The following PDE3A variants were observed in gnomAD, a reference collection of about 807,000 sequenced individuals.
The protein encoded by PDE3A is cGMP-inhibited 3',5'-cyclic phosphodiesterase 3A.
A neutral mutation model predicts 98.3 loss-of-function variants in PDE3A; 43 were observed. The ratio of observed to expected loss-of-function variants is 0.44; its 90% confidence interval spans 0.34 to 0.56. The LOEUF (loss-of-function observed/expected upper bound fraction) is 0.56, where lower values mean the gene tolerates loss of function less well. Ranked by LOEUF, PDE3A falls within the 20% of genes least tolerant of loss-of-function variation. The pLI is 0.01. For synonymous variants in PDE3A, 663 were observed against 567.9 expected (o/e 1.17, Z -2.38); for missense variants, 1,427 against 1,440.7 (o/e 0.99, Z 0.15).
chr12:20,406,100 T>C (rs1944228380), intron 1 of PDE3A, among the ~76,000 whole-genome samples: 1 of 152,216 alleles, frequency 6.6e-6, no homozygotes, highest in Non-Finnish European at 1.5e-5. Flanking sequence ...CACATACATA[T>C]ACACACATCA....
chr12:20,571,239 G>A (rs1942795504), intron 2 of PDE3A, among the ~76,000 whole-genome samples: 1 of 152,144 alleles, frequency 6.6e-6, no homozygotes, highest in African/African-American at 2.4e-5. Flanking sequence ...GAAAGATAAT[G>A]AGAATAATGT....
At chr12:20,463,026 C>T (rs1042134525) in intron 1 of PDE3A, among the ~76,000 whole-genome samples, 16 of 152,130 alleles carry the variant, frequency 1.1e-4, no homozygotes, top group African/African-American at 3.9e-4. Flanking sequence ...CTTGTCTTGG[C>T]CCCCGCAAAG....
At chr12:20,523,626 C>A (rs1054525744) in intron 1 of PDE3A, among the ~76,000 whole-genome samples, 2 of 152,132 alleles carry the variant, frequency 1.3e-5, no homozygotes, top group African/African-American at 4.8e-5. Context: ...TTTTTAGTGT[C>A]CTAGACCTTG....
chr12:20,656,230 A>G (rs1945040409), intron 15 of PDE3A, among the ~76,000 whole-genome samples: 1 of 152,170 alleles, frequency 6.6e-6, no homozygotes, highest in Admixed American at 6.5e-5. Flanking sequence ...TTTCGTGCCT[A>G]TTTTTATCAC....
In PDE3A at chr12:20,552,897, G is replaced by A; in HGVS notation, c.961-3763G>A. Reference sequence around the variant, plus strand: ...TGGACAGATCCTTTCGGGCACAGGTGTTCAGCTGCCCTGCCTGCCGCTACG... The same window carrying A: ...TGGACAGATCCTTTCGGGCACAGGTATTCAGCTGCCCTGCCTGCCGCTACG... On this transcript the variant is annotated intron_variant, in intron 1 of 15. Coordinates refer to ENST00000359062, the MANE Select transcript of PDE3A (RefSeq NM_000921.5). The surrounding 1 kb of genome is among the most constrained non-coding windows in gnomAD (Gnocchi z 5.1). 1.9e-6 allele frequency: 3 copies of A among 1,609,366 alleles called. No individual in the cohort carries two copies. The highest frequency in any genetic ancestry group is 1.7e-6 in the Non-Finnish European group (2 of 1,177,872).
chr12:20,668,412 A>G (rs1945378685), intron 15 of PDE3A, among the ~76,000 whole-genome samples: 1 of 151,974 alleles, frequency 6.6e-6, no homozygotes, highest in African/African-American at 2.4e-5. Context: ...AGACAAACAA[A>G]AAGACAGCAG....
intron 1 of PDE3A, among the ~76,000 whole-genome samples, chr12:20,511,512 A>G (rs145712699): frequency 1.3e-5 from 2 of 152,142 alleles, no homozygotes; most frequent in East Asian, 3.9e-4. Flanking sequence ...CCCAATGGCT[A>G]AACAACCTAA....
At chr12:20,383,064 T>G (rs146073271) in intron 1 of PDE3A, among the ~76,000 whole-genome samples, 1 of 151,898 alleles carries the variant, frequency 6.6e-6, no homozygotes, top group Non-Finnish European at 1.5e-5. Context: ...GATAGGGACT[T>G]CAGATGCTTC....
chr12:20,551,992 G>C, intron 1 of PDE3A: 1 of 1,612,610 alleles, frequency 6.2e-7, no homozygotes, highest in Non-Finnish European at 8.5e-7. Context: ...CCGGAGCAAC[G>C]ACGGAGCGTA....
chr12:20,602,675 T>C (rs1261334819), intron 2 of PDE3A, among the ~76,000 whole-genome samples: 1 of 152,160 alleles, frequency 6.6e-6, no homozygotes, highest in East Asian at 1.9e-4. Flanking sequence ...CTATAGGTTT[T>C]CCTCCTACTG....
chr12:20,515,699 A>ATTATTTATTTATTTATTTAT (rs58454608), intron 1 of PDE3A, among the ~76,000 whole-genome samples: 24 of 141,082 alleles, frequency 1.7e-4, no homozygotes, highest in Admixed American at 7.1e-4. Context: ...CTCACACTGT[A>ATTATTTATTTATTTATTTAT]TTATTTATTT....
chr12:20,390,574 G>A (rs758313013), intron 1 of PDE3A, among the ~76,000 whole-genome samples: 6 of 116,216 alleles, frequency 5.2e-5, no homozygotes, highest in Non-Finnish European at 1.1e-4. Flanking sequence ...GAAAGATAGT[G>A]GCGCTGGTCA....
intron 2 of PDE3A, among the ~76,000 whole-genome samples, chr12:20,599,461 C>T (rs1046023702): frequency 6.6e-6 from 1 of 152,200 alleles, no homozygotes; most frequent in Non-Finnish European, 1.5e-5. Flanking sequence ...CTTCTAACCT[C>T]AACATTGCCC....
chr12:20,450,088 C>A, intron 1 of PDE3A: 2 of 545,756 alleles, frequency 3.7e-6, no homozygotes, highest in Non-Finnish European at 6.8e-6. Context: ...TCTGCTGGTG[C>A]CGTCTTGGAT....
intron 1 of PDE3A, among the ~76,000 whole-genome samples, chr12:20,529,663 C>T (rs539597379): frequency 6.6e-6 from 1 of 152,124 alleles, no homozygotes; most frequent in East Asian, 1.9e-4. Context: ...AAACAGAAGC[C>T]AGGGAGAGGC....
At chr12:20,447,775 A>T (rs2120871507) in intron 1 of PDE3A, among the ~76,000 whole-genome samples, 1 of 152,294 alleles carries the variant, frequency 6.6e-6, no homozygotes, top group East Asian at 1.9e-4. Flanking sequence ...AAACACAAAG[A>T]GGTGGGTTAT....
At chr12:20,466,210 T>G (rs1945338062) in intron 1 of PDE3A, among the ~76,000 whole-genome samples, 1 of 152,222 alleles carries the variant, frequency 6.6e-6, no homozygotes, top group Non-Finnish European at 1.5e-5. Context: ...GCCAGACTCT[T>G]GGAAGACAAG....
At chr12:20,445,991 G>GTGCA (rs1944946789) in intron 1 of PDE3A, among the ~76,000 whole-genome samples, 1 of 152,032 alleles carries the variant, frequency 6.6e-6, no homozygotes, top group African/African-American at 2.4e-5. Context: ...CCAGACAGCA[G>GTGCA]TGCATGGAAA....
At chr12:20,493,625 C>T (rs995893623) in intron 1 of PDE3A, among the ~76,000 whole-genome samples, 2 of 151,884 alleles carry the variant, frequency 1.3e-5, no homozygotes, top group Non-Finnish European at 2.9e-5. Flanking sequence ...CACCCATTCA[C>T]AAACTACTTT....
Sources: gnomAD v4.1 joint callset for allele counts (sites outside exome capture counted in the v4.1 genomes callset) on GRCh38, gnomAD v4.1.1 for gene constraint, Gnocchi (gnomAD v3.1) non-coding constraint, MANE v1.5 for transcripts, NCBI Gene and HGNC (gene_info 2026-07-23, HGNC 2026-07-21) for gene names.